The following RASEF variants were observed in gnomAD, a reference collection of about 807,000 sequenced individuals.
The protein encoded by RASEF is RAS and EF-hand domain containing.
A neutral mutation model predicts 90.1 loss-of-function variants in RASEF; 68 were observed. The ratio of observed to expected loss-of-function variants is 0.75; its 90% CI spans 0.62 to 0.92. The LOEUF is 0.92. RASEF is among the 40% of genes least tolerant of loss of function. RASEF has a pLI of 0.00. For synonymous variants in RASEF, 331 were observed against 345.2 expected, an observed-to-expected ratio of 0.96 and a Z score of 0.46; for missense variants, 949 against 937.2, an observed-to-expected ratio of 1.01 and a Z score of -0.16.
At chr9:83,180,412 T>TGA in the RASEF span, among the ~76,000 whole-genome samples, 1 of 152,084 alleles carries the variant, frequency 6.6e-6, no homozygotes, top group Non-Finnish European at 1.5e-5. Context: ...ATCACAGCAG[T>TGA]TTTATTCAAG....
At chr9:83,067,988 C>T (rs1370433109), upstream of RASEF, among the ~76,000 whole-genome samples, 1 of 152,084 alleles carries the variant, frequency 6.6e-6, no homozygotes. Flanking sequence ...GTGATCCTCC[C>T]GTCTCAGTCG....
At chr9:83,063,309 G>T (rs989322004), upstream of RASEF, 8 of 176,942 alleles carry the variant, frequency 4.5e-5, no homozygotes, top group East Asian at 1.4e-3. Context: ...ACTGGGATTC[G>T]GGGGGAGCAT....
At chr9:83,035,005 T>C (rs974481730) in intron 1 of RASEF, among the ~76,000 whole-genome samples, 2 of 152,190 alleles carry the variant, frequency 1.3e-5, no homozygotes, top group Admixed American at 1.3e-4. Context: ...CTCCTGTCCA[T>C]GTCTGGGTGG....
the RASEF span, among the ~76,000 whole-genome samples, chr9:83,078,389 G>A: frequency 6.6e-6 from 1 of 152,170 alleles, no homozygotes; most frequent in Admixed American, 6.5e-5. Context: ...AAATGAGGCT[G>A]GGCACAGTGG....
intron 1 of RASEF, among the ~76,000 whole-genome samples, chr9:83,035,253 T>C (rs1243667770): frequency 6.6e-6 from 1 of 152,242 alleles, no homozygotes; most frequent in African/African-American, 2.4e-5. Flanking sequence ...TATTTAGCCC[T>C]ATCACTGCAG....
At chr9:82,996,566 A>G (rs146571118) in intron 14 of RASEF, among the ~76,000 whole-genome samples, 158 of 152,288 alleles carry the variant, frequency 1.0e-3, no homozygotes, top group African/African-American at 3.6e-3. Context: ...AGAAGAGAAG[A>G]GAGCTCCCAT....
intron 13 of RASEF, among the ~76,000 whole-genome samples, 164 bp from the exon 14 acceptor site, chr9:82,997,290 A>G (rs1828939711): frequency 6.6e-6 from 1 of 152,186 alleles, no homozygotes; most frequent in Non-Finnish European, 1.5e-5. Context: ...GAATGACCCA[A>G]TGAAAGGTAA....
the RASEF span, among the ~76,000 whole-genome samples, chr9:83,148,298 T>G: frequency 2.0e-5 from 3 of 152,272 alleles, no homozygotes; most frequent in Non-Finnish European, 4.4e-5. Context: ...CAAATTCATA[T>G]TTTGAAGTTC....
intron 1 of RASEF, among the ~76,000 whole-genome samples, chr9:83,044,114 C>A (rs1829888767): frequency 6.6e-6 from 1 of 152,160 alleles, no homozygotes; most frequent in South Asian, 2.1e-4. Context: ...AGATAGAACC[C>A]ATTCCTACTG....
the RASEF span, among the ~76,000 whole-genome samples, chr9:83,165,270 T>C: frequency 6.6e-6 from 1 of 152,056 alleles, no homozygotes; most frequent in East Asian, 1.9e-4. Flanking sequence ...AGAACATACC[T>C]TAATACATTT....
At chr9:83,110,769 A>G in the RASEF span, among the ~76,000 whole-genome samples, 1 of 152,192 alleles carries the variant, frequency 6.6e-6, no homozygotes. Context: ...GCCTAAATTT[A>G]TACCACCTGT....
At chr9:83,022,287 A>C in intron 3 of RASEF, 49 bp downstream of exon 3, 2 of 1,420,304 alleles carry the variant, frequency 1.4e-6, no homozygotes, top group Non-Finnish European at 2.0e-6. Flanking sequence ...TCTCCGTAGA[A>C]ACCACCTCAT....
chr9:83,010,852 C>A (rs1053011486), intron 5 of RASEF, among the ~76,000 whole-genome samples: 4 of 152,034 alleles, frequency 2.6e-5, no homozygotes, highest in African/African-American at 9.7e-5. Flanking sequence ...TCTGTTCACA[C>A]CGTCCCACAG....
At position 83,005,668 on chromosome 9, in the gene RASEF, C is replaced by T. The variant is rs1829116151; in HGVS notation, c.1029-168G>A. ...CCTCAAAAACTGAGATAATTCATTACTTAAAGTACAAGAACTAAATTGATT... is the reference window on the plus strand; with the variant it reads ...CCTCAAAAACTGAGATAATTCATTATTTAAAGTACAAGAACTAAATTGATT... On this transcript the variant is annotated intron_variant, in intron 7 of 16. Coordinates refer to ENST00000376447, the MANE Select transcript of RASEF (RefSeq NM_152573.4). Among the ~76,000 whole-genome samples the T allele has an allele frequency of 2.0e-5, 3 of 152,218 alleles. No individual in the cohort carries two copies. The South Asian group carries it at 6.2e-4, about 32-fold the overall frequency.
chr9:83,036,293 C>T (rs1402503835), intron 1 of RASEF, among the ~76,000 whole-genome samples: 2 of 152,344 alleles, frequency 1.3e-5, no homozygotes, highest in East Asian at 3.9e-4. Context: ...AAGCAGCTGC[C>T]TCGGCCAACC....
the RASEF span, among the ~76,000 whole-genome samples, chr9:83,181,991 C>G: frequency 3.7e-4 from 56 of 152,288 alleles, no homozygotes; most frequent in African/African-American, 1.3e-3. Flanking sequence ...TCCAGCATCC[C>G]CTGCTCAGAA....
chr9:83,191,682 C>A, the RASEF span, among the ~76,000 whole-genome samples: 24,175 of 152,098 alleles, frequency 0.16, 3,413 homozygotes, highest in East Asian at 0.49. Context: ...TTTACCTTGA[C>A]CATTTTTTTG....
chr9:83,183,262 G>GTA, the RASEF span, among the ~76,000 whole-genome samples: 372 of 150,238 alleles, frequency 2.5e-3, 1 homozygote, highest in Middle Eastern at 0.021. Flanking sequence ...TTGTGTGTGT[G>GTA]TATATATATA....
At chr9:83,027,743 T>C (rs543566207) in intron 1 of RASEF, among the ~76,000 whole-genome samples, 1 of 152,208 alleles carries the variant, frequency 6.6e-6, no homozygotes, top group African/African-American at 2.4e-5. Context: ...GACAGGAATG[T>C]AGCATGATGT....
Sources: allele counts gnomAD v4.1 joint callset (sites outside exome capture counted in the v4.1 genomes callset), GRCh38; gene constraint gnomAD v4.1.1; transcripts MANE v1.5; gene names NCBI Gene and HGNC (gene_info 2026-07-23, HGNC 2026-07-21).